The following CSNK1D variants were observed in gnomAD, a reference collection of about 807,000 sequenced individuals.
The protein encoded by CSNK1D is casein kinase I isoform delta.
In CSNK1D, 16 loss-of-function variants were observed where a neutral mutation model predicts 46.6. That is an observed-to-expected ratio of 0.34 (90% CI 0.23 to 0.52). CSNK1D has a LOEUF of 0.52. CSNK1D is among the 20% of genes least tolerant of loss of function. The pLI is 0.95. For synonymous variants in CSNK1D, 276 were observed against 228.2 expected (o/e 1.21, Z -1.89); for missense variants, 398 against 578.4 (o/e 0.69, Z 3.20).
chr17:82,260,558 G>A (rs111211185), intron 2 of CSNK1D, among the ~76,000 whole-genome samples: 1,143 of 150,470 alleles, frequency 7.6e-3, no homozygotes, highest in African/African-American at 0.027. Flanking sequence ...GTGACTGATG[G>A]TGTACTGAGT....
rs1305499100 is a variant in CSNK1D at position 82,252,438 on chromosome 17, G to A, written c.732C>T (p.Tyr244=). ...AAGAGGCCTCCAGAGACTTACAAGG[G>A]TAGCCTTTACACAACACTTCGATGG... The part of the protein sequence containing the change: ...STPIEVLCKG[Y]PSEFATYLNF... Residue 244 remains tyrosine (Y), a synonymous_variant, in exon 5 of 9, where the codon TAC becomes TAT. Coordinates refer to ENST00000314028, the MANE Select transcript of CSNK1D (RefSeq NM_001893.6). The surrounding 1 kb of genome is among the most constrained non-coding windows in gnomAD (Gnocchi z 4.6). 6.2e-7 allele frequency: 1 copy of A among 1,614,126 alleles called. No individual in the cohort carries two copies. The highest frequency in any genetic ancestry group is 8.5e-7 in the Non-Finnish European group (1 of 1,180,020).
chr17:82,249,363 C>G lies in CSNK1D; in HGVS notation c.1057+68G>C. The G allele has an allele frequency of 6.9e-7, 1 of 1,458,376 alleles. No individual in the cohort carries two copies. The highest frequency in any genetic ancestry group is 9.3e-7 in the Non-Finnish European group (1 of 1,076,680). 90.3% of individuals were successfully genotyped at this position (1,458,376 alleles called of 1,614,324 possible). A position where few individuals can be genotyped will look rare whatever the true frequency, so the allele number is the denominator to read the frequency against. ...TCCACCACCAAGTACCCTGTTGTCC[C>G]CACCAACCCCAAGACACAAGAAGTC... is the stretch of plus-strand genomic sequence containing the variant. On this transcript the variant is annotated intron_variant, in intron 7 of 8. Coordinates refer to ENST00000314028, the MANE Select transcript of CSNK1D (RefSeq NM_001893.6). This position sits in a 1 kb window ranked among gnomAD's most constrained non-coding sequence, Gnocchi z 6.7.
chr17:82,258,695 C>T (rs1366889086), intron 2 of CSNK1D, among the ~76,000 whole-genome samples: 1 of 152,206 alleles, frequency 6.6e-6, no homozygotes, highest in East Asian at 1.9e-4. Context: ...TACCTCATAA[C>T]AAATGCCTGC....
intron 2 of CSNK1D, among the ~76,000 whole-genome samples, chr17:82,264,912 C>T (rs1163361173): frequency 6.6e-6 from 1 of 151,884 alleles, no homozygotes; most frequent in Non-Finnish European, 1.5e-5. Flanking sequence ...ATTCTCCTGC[C>T]TCAGCCTCCC....
chr17:82,250,098 C>T lies in CSNK1D; in HGVS notation c.886-496G>A. 1 of 1,290,250 alleles carries T rather than the reference C, an allele frequency of 7.8e-7. No individual in the cohort carries two copies. Among genetic ancestry groups the T allele is most frequent in the Non-Finnish European group, 1.0e-6 (1 of 989,446 alleles). The allele number at this position is 1,290,250 out of a possible 1,614,324, so 79.9% of individuals were successfully genotyped here. The stretch of plus-strand genomic sequence containing the variant: ...AGCCTGTGCAGGTGTGGTGGCGTGG[C>T]CAGCAGCCGGCAGCCGGATCTGTGC... On this transcript the variant is annotated intron_variant, in intron 6 of 8. Transcript: ENST00000314028. The surrounding 1 kb of genome is among the most constrained non-coding windows in gnomAD (Gnocchi z 4.6).
intron 2 of CSNK1D, chr17:82,260,834 T>TGAGTGATGA (rs2051321928): frequency 6.5e-6 from 1 of 153,998 alleles, no homozygotes; most frequent in African/African-American, 2.4e-5. Context: ...GATGGTGTAC[T>TGAGTGATGA]GACTGATGGT....
intron 2 of CSNK1D, among the ~76,000 whole-genome samples, chr17:82,262,754 G>C (rs1260279552): frequency 6.6e-6 from 1 of 152,192 alleles, no homozygotes; most frequent in African/African-American, 2.4e-5. Context: ...GTGGCTTCTG[G>C]ATGAAACAAT....
chr17:82,268,441 C>T (rs542998650), intron 1 of CSNK1D, among the ~76,000 whole-genome samples: 31 of 152,370 alleles, frequency 2.0e-4, no homozygotes, highest in African/African-American at 7.5e-4. Context: ...GGCATCGCTG[C>T]AGCATTTTGA....
Position 82,251,143 on chromosome 17 carries a change from CA to C in CSNK1D, c.885+235del. ...GAGGGAAGGGGCCTCCTGCTGTCCA[CA>C]CCCAGGAATTCCATGGACCCCTCTG... On this transcript the variant is annotated intron_variant, in intron 6 of 8. Coordinates refer to ENST00000314028, the MANE Select transcript of CSNK1D (RefSeq NM_001893.6). The surrounding 1 kb of genome is among the most constrained non-coding windows in gnomAD (Gnocchi z 4.5). 1.9e-6 allele frequency: 1 copy of C among 531,476 alleles called. No homozygotes were observed. Among genetic ancestry groups the C allele is most frequent in the South Asian group, 2.0e-5 (1 of 50,292 alleles). 32.9% of individuals were successfully genotyped at this position (531,476 alleles called of 1,614,324 possible). A position where few individuals can be genotyped will look rare whatever the true frequency, so the allele number is the denominator to read the frequency against.
Position 82,253,227 on chromosome 17 carries a change from G to A in CSNK1D, c.354C>T (p.Tyr118=). 1.9e-6 allele frequency: 3 copies of A among 1,614,128 alleles called. No individual in the cohort carries two copies. Among genetic ancestry groups the A allele is most frequent in the Non-Finnish European group, 2.5e-6 (3 of 1,179,990 alleles). The change falls in exon 4 of 9, where the codon TAC becomes TAT. Residue 118 remains tyrosine, a synonymous_variant. Transcript: ENST00000314028. ...LADQMISRIE[Y]IHSKNFIHRD... ...GGTGGATGAAGTTCTTTGAATGAAT[G>A]TATTCGATGCGACTGATCTGTGAGC...
Position 82,242,940 on chromosome 17 carries a change from T to C in CSNK1D, c.*1841A>G, listed in dbSNP as rs1312700618. ...GGGCACTACATCGGGACCACAGATA[T>C]TTACAAAGCAAGCTTGCGCCACTTC... On this transcript the variant is annotated 3_prime_UTR_variant, in exon 9 of 9. Transcript: ENST00000314028. 2 of 985,276 alleles carry C rather than the reference T, an allele frequency of 2.0e-6. No individual in the cohort carries two copies. The highest frequency in any genetic ancestry group is 1.7e-5 in the African/African-American group (1 of 57,212). The allele number at this position is 985,276 out of a possible 1,614,324, so 61.0% of individuals were successfully genotyped here.
chr17:82,264,375 C>G (rs2051413820), intron 2 of CSNK1D, among the ~76,000 whole-genome samples: 1 of 152,238 alleles, frequency 6.6e-6, no homozygotes, highest in Admixed American at 6.5e-5. Flanking sequence ...TCTGAAATCC[C>G]CGCAGAGAAT....
At chr17:82,269,416 G>A (rs1383355459) in intron 1 of CSNK1D, among the ~76,000 whole-genome samples, 2 of 152,168 alleles carry the variant, frequency 1.3e-5, no homozygotes, top group African/African-American at 2.4e-5. Context: ...ACAGGTGGTC[G>A]CTCTCCTCTC....
chr17:82,240,463 G>A (rs1355176761), downstream of CSNK1D, among the ~76,000 whole-genome samples: 2 of 152,218 alleles, frequency 1.3e-5, no homozygotes, highest in African/African-American at 4.8e-5. Context: ...GGACCTGGCT[G>A]TCCCTGGTTC....
In CSNK1D at chr17:82,251,347, C is replaced by A. The variant is rs777125864; in HGVS notation, c.885+32G>T. ...CTGACAAGCCATCCCCCGCACACCACACTCAGCGAACGTGCTGGCAGTGCG... is the reference window on the plus strand; with the variant it reads ...CTGACAAGCCATCCCCCGCACACCAAACTCAGCGAACGTGCTGGCAGTGCG... On this transcript the variant is annotated intron_variant, in intron 6 of 8. Transcript: ENST00000314028. This position sits in a 1 kb window ranked among gnomAD's most constrained non-coding sequence, Gnocchi z 4.5. The A allele has an allele frequency of 1.9e-6, 3 of 1,613,640 alleles. No individual in the cohort carries two copies. Among genetic ancestry groups the A allele is most frequent in the Non-Finnish European group, 2.5e-6 (3 of 1,179,778 alleles).
intron 2 of CSNK1D, among the ~76,000 whole-genome samples, chr17:82,257,541 C>T (rs772310810): frequency 9.2e-5 from 14 of 152,202 alleles, no homozygotes; most frequent in Non-Finnish European, 1.8e-4. Flanking sequence ...ACAAAACACA[C>T]ACCCTCACAC....
chr17:82,250,026 G>A lies in CSNK1D; in HGVS notation c.886-424C>T. 5 of 1,243,784 alleles carry A rather than the reference G, an allele frequency of 4.0e-6. No individual in the cohort carries two copies. Among genetic ancestry groups the A allele is most frequent in the Non-Finnish European group, 5.2e-6 (5 of 964,920 alleles). 77.0% of individuals were successfully genotyped at this position (1,243,784 alleles called of 1,614,324 possible). A position where few individuals can be genotyped will look rare whatever the true frequency, so the allele number is the denominator to read the frequency against. ...AAGCGGGGTGGGGATGAGAGCGTTT[G>A]GTCGGACGAGGAGTACACTCAGGGT... On this transcript the variant is annotated intron_variant, in intron 6 of 8. Transcript: ENST00000314028. This position sits in a 1 kb window ranked among gnomAD's most constrained non-coding sequence, Gnocchi z 4.6.
rs1301788783 is a variant in CSNK1D, at chr17:82,251,929, G to A, written c.737-402C>T. ...GAATGGTATGAACCCGGGAGGCGGA[G>A]CTTGCAGTGAGCCGAGATCACGCCA... On this transcript the variant is annotated intron_variant, in intron 5 of 8. Coordinates refer to ENST00000314028, the MANE Select transcript of CSNK1D (RefSeq NM_001893.6). This position sits in a 1 kb window ranked among gnomAD's most constrained non-coding sequence, Gnocchi z 4.5. 6.1e-6 allele frequency: 2 copies of A among 325,206 alleles called. No homozygotes were observed. Among genetic ancestry groups the A allele is most frequent in the Non-Finnish European group, 1.2e-5 (2 of 169,666 alleles). 20.1% of individuals were successfully genotyped at this position (325,206 alleles called of 1,614,324 possible).
chr17:82,264,239 C>T (rs868604982), intron 2 of CSNK1D, among the ~76,000 whole-genome samples: 12 of 152,182 alleles, frequency 7.9e-5, no homozygotes, highest in South Asian at 4.1e-4. Flanking sequence ...ACAAATGTGC[C>T]GCGGAGCCTT....
Sources: gnomAD v4.1 joint callset for allele counts (sites outside exome capture counted in the v4.1 genomes callset) on GRCh38, gnomAD v4.1.1 for gene constraint, Gnocchi (gnomAD v3.1) non-coding constraint, MANE v1.5 for transcripts, NCBI Gene and HGNC (gene_info 2026-07-23, HGNC 2026-07-21) for gene names.